Variants in MRAS observed in about 807,000 individuals in gnomAD.
MRAS encodes ras-related protein M-Ras.
A neutral mutation model predicts 20.9 loss-of-function variants in MRAS; 4 were observed. The ratio of observed to expected loss-of-function variants is 0.19; its 90% CI spans 0.09 to 0.44. The LOEUF (loss-of-function observed/expected upper bound fraction) is 0.44. MRAS is among the 20% of genes least tolerant of loss of function. MRAS has a pLI of 0.99. For synonymous variants in MRAS, 98 were observed against 102.9 expected (o/e 0.95, Z 0.29); for missense variants, 154 against 277.5 (o/e 0.56, Z 3.16).
intron 1 of MRAS, among the ~76,000 whole-genome samples, chr3:138,356,557 C>T (rs556316194): frequency 2.0e-4 from 31 of 152,298 alleles, no homozygotes; most frequent in African/African-American, 7.0e-4. Context: ...CAGGCAAAGC[C>T]GTCTTTCTTG....
intron 2 of MRAS, among the ~76,000 whole-genome samples, chr3:138,383,371 C>A (rs980832911): frequency 4.6e-5 from 7 of 152,158 alleles, no homozygotes; most frequent in African/African-American, 1.7e-4. Flanking sequence ...CACCGTGCCA[C>A]CCAGGCTAGA....
chr3:138,377,789 C>T (rs1004763097), intron 2 of MRAS, among the ~76,000 whole-genome samples: 1 of 152,144 alleles, frequency 6.6e-6, no homozygotes, highest in Non-Finnish European at 1.5e-5. Context: ...CGTGGCAGCA[C>T]GATGATGAGG....
intron 2 of MRAS, among the ~76,000 whole-genome samples, chr3:138,396,305 C>G (rs916917407): frequency 6.6e-6 from 1 of 152,206 alleles, no homozygotes; most frequent in Non-Finnish European, 1.5e-5. Context: ...GAGAGGGTAG[C>G]TTGCCTGGGG....
At chr3:138,393,370 C>T (rs1374654022) in intron 2 of MRAS, among the ~76,000 whole-genome samples, 3 of 152,036 alleles carry the variant, frequency 2.0e-5, no homozygotes, top group African/African-American at 4.8e-5. Context: ...TGGCCTTAAA[C>T]TTAACTCTTA....
At chr3:138,394,150 C>G (rs1239187574) in intron 2 of MRAS, among the ~76,000 whole-genome samples, 3 of 151,720 alleles carry the variant, frequency 2.0e-5, no homozygotes, top group Admixed American at 6.6e-5. Context: ...TCTTCCTGCT[C>G]CCTCCTGGGA....
chr3:138,361,569 A>T (rs1004008164), intron 1 of MRAS, among the ~76,000 whole-genome samples: 1 of 152,168 alleles, frequency 6.6e-6, no homozygotes, highest in African/African-American at 2.4e-5. Context: ...TGGGCAGGTG[A>T]GGGAGGTGCT....
chr3:138,390,723 G>C (rs1378287626), intron 2 of MRAS, among the ~76,000 whole-genome samples: 1 of 152,238 alleles, frequency 6.6e-6, no homozygotes, highest in Non-Finnish European at 1.5e-5. Context: ...CTTGGGACCA[G>C]GCCCAGCTCA....
At chr3:138,376,599 C>G (rs2054787913) in intron 2 of MRAS, among the ~76,000 whole-genome samples, 1 of 152,192 alleles carries the variant, frequency 6.6e-6, no homozygotes, top group Non-Finnish European at 1.5e-5. Flanking sequence ...TTTTCTAACT[C>G]ACATTACAAT....
Position 138,404,105 on chromosome 3 carries a change from C to G in MRAS, c.*1836C>G. 1 of 152,322 alleles carries G rather than the reference C, an allele frequency of 6.6e-6. No homozygotes were observed. Among genetic ancestry groups the G allele is most frequent in the Non-Finnish European group, 1.5e-5 (1 of 68,036 alleles). 9.4% of individuals were successfully genotyped at this position (152,322 alleles called of 1,614,324 possible). A position where few individuals can be genotyped will look rare whatever the true frequency, so the allele number is the denominator to read the frequency against. ...TGAGGCACTTCAAAGTTTCCTTAGA[C>G]CCTATAGTGTTAAGAGGTATTTTAA... On this transcript the variant is annotated 3_prime_UTR_variant, in exon 6 of 6. Transcript: ENST00000423968.
chr3:138,359,082 G>A (rs2054393518), intron 1 of MRAS, among the ~76,000 whole-genome samples: 1 of 152,112 alleles, frequency 6.6e-6, no homozygotes, highest in South Asian at 2.1e-4. Flanking sequence ...AGCTTCCCTC[G>A]ACCCCCCAGC....
At chr3:138,358,336 A>ATCTC (rs1560162396) in intron 1 of MRAS, among the ~76,000 whole-genome samples, 4 of 82,598 alleles carry the variant, frequency 4.8e-5, no homozygotes, top group Non-Finnish European at 8.0e-5. Context: ...GACTCTCTCA[A>ATCTC]AAAAAAAAAC....
intron 2 of MRAS, among the ~76,000 whole-genome samples, chr3:138,391,263 G>C (rs1314082165): frequency 6.6e-6 from 1 of 152,078 alleles, no homozygotes; most frequent in Non-Finnish European, 1.5e-5. Context: ...TTTCCTGTAA[G>C]TACCACTTTG....
At chr3:138,363,527 C>T (rs1252165650) in intron 1 of MRAS, among the ~76,000 whole-genome samples, 1 of 152,172 alleles carries the variant, frequency 6.6e-6, no homozygotes, top group African/African-American at 2.4e-5. Flanking sequence ...CCTGCCTCCC[C>T]CACAAAATAC....
chr3:138,399,489 T>G (rs1474976199), intron 4 of MRAS, among the ~76,000 whole-genome samples: 1 of 152,224 alleles, frequency 6.6e-6, no homozygotes, highest in African/African-American at 2.4e-5. Context: ...GACTGGTTTG[T>G]GTTCTGGGCA....
chr3:138,395,712 C>T (rs253665), intron 2 of MRAS, among the ~76,000 whole-genome samples: 6,208 of 152,206 alleles, frequency 0.041, 350 homozygotes, highest in East Asian at 0.22. Flanking sequence ...AAATAACAGC[C>T]ATTCATTTGT....
intron 1 of MRAS, among the ~76,000 whole-genome samples, chr3:138,354,229 C>T (rs2054285256): frequency 2.0e-5 from 3 of 151,080 alleles, no homozygotes; most frequent in Non-Finnish European, 4.4e-5. Flanking sequence ...ATCATTTGTG[C>T]ACTTTTTTTT....
intron 2 of MRAS, among the ~76,000 whole-genome samples, chr3:138,382,008 A>T (rs13079209): frequency 0.088 from 13,368 of 152,256 alleles, 667 homozygotes; most frequent in Non-Finnish European, 0.11. Flanking sequence ...GGCACTCTCC[A>T]TAGGCCCCAA....
chr3:138,400,623 G>A lies in MRAS; in HGVS notation c.527+10G>A, dbSNP rs2055339080. ...TCGTTAGAGTAATTAGGTGAGCACT[G>A]CCCTCTCCCTAGAAGCGGGCCTCCA... On this transcript the variant is annotated intron_variant, in intron 5 of 5. Transcript: ENST00000423968. 1.2e-6 allele frequency: 2 copies of A among 1,603,986 alleles called. No individual in the cohort carries two copies. The highest frequency in any genetic ancestry group is 1.3e-5 in the African/African-American group (1 of 74,820).
intron 1 of MRAS, chr3:138,350,560 A>T (rs1056291660): frequency 1.2e-4 from 19 of 152,216 alleles, no homozygotes; most frequent in African/African-American, 4.6e-4. Context: ...GGCGGTAGTC[A>T]AGGCCCTTTG....
Sources: allele counts gnomAD v4.1 joint callset (sites outside exome capture counted in the v4.1 genomes callset), GRCh38; gene constraint gnomAD v4.1.1; transcripts MANE v1.5; gene names NCBI Gene and HGNC (gene_info 2026-07-23, HGNC 2026-07-21).